The following NXPH2 variants were observed in gnomAD, a reference collection of about 807,000 sequenced individuals.
The protein encoded by NXPH2 is neurexophilin-2.
In NXPH2, 5 loss-of-function variants were observed where a neutral mutation model predicts 19.8. The observed-to-expected ratio is 0.25, with a 90% CI of 0.13 to 0.53. The LOEUF (loss-of-function observed/expected upper bound fraction) is 0.53, where lower values mean the gene tolerates loss of function less well. Ranked by LOEUF, NXPH2 falls within the 20% of genes least tolerant of loss-of-function variation. The pLI, the probability that NXPH2 is intolerant of heterozygous loss-of-function variation, is 0.96. For synonymous variants in NXPH2, 154 were observed against 127.4 expected, an observed-to-expected ratio of 1.21 and a Z score of -1.41; for missense variants, 289 against 322.8, an observed-to-expected ratio of 0.90 and a Z score of 0.80.
rs1474214938 is a variant in NXPH2, at chr2:138,687,275, G to T, written c.52-15610C>A. On this transcript the variant is annotated intron_variant, in intron 1 of 1. Coordinates refer to ENST00000272641, the MANE Select transcript of NXPH2 (RefSeq NM_007226.3). ...TGGTGTGAGATGGTATCTCATTGTG[G>T]TTTTGATTTGCATTTCTCTGATGGC... Among the ~76,000 whole-genome samples the T allele has an allele frequency of 2.6e-5, 4 of 152,258 alleles. No homozygotes were observed. The South Asian group carries it at 8.3e-4, about 32-fold the overall frequency.
chr2:138,698,934 C>T (rs561411597), intron 1 of NXPH2, among the ~76,000 whole-genome samples: 2 of 152,234 alleles, frequency 1.3e-5, no homozygotes, highest in South Asian at 2.1e-4. Flanking sequence ...AATTTTGGGA[C>T]TCAAAGTACT....
chr2:138,734,185 C>T (rs1047113567), intron 1 of NXPH2, among the ~76,000 whole-genome samples: 2 of 152,138 alleles, frequency 1.3e-5, no homozygotes, highest in African/African-American at 4.8e-5. Context: ...GAGGAGGTTG[C>T]AGTGAGTCAA....
intron 1 of NXPH2, among the ~76,000 whole-genome samples, chr2:138,703,815 A>G (rs1324397524): frequency 6.6e-6 from 1 of 152,242 alleles, no homozygotes; most frequent in East Asian, 1.9e-4. Flanking sequence ...ACTGAGAAAC[A>G]TGCACTTACT....
At chr2:138,753,590 G>T (rs1401083811) in intron 1 of NXPH2, among the ~76,000 whole-genome samples, 8 of 152,104 alleles carry the variant, frequency 5.3e-5, no homozygotes, top group African/African-American at 1.9e-4. Context: ...ATGCTAACTT[G>T]TAAATATATA....
chr2:138,737,645 C>G (rs1681571825), intron 1 of NXPH2, among the ~76,000 whole-genome samples: 1 of 152,202 alleles, frequency 6.6e-6, no homozygotes, highest in South Asian at 2.1e-4. Flanking sequence ...GTCTCAGCCT[C>G]TCTGGGTCAT....
rs111295867 is a variant in NXPH2 at position 138,764,279 on chromosome 2, T to C, written c.51+15912A>G. Reference sequence around the variant, plus strand: ...ATCATGAACTCACAAAGCCAAAGGATACTTAAGAGAAAATCTGATCCAGGG... The same window carrying C: ...ATCATGAACTCACAAAGCCAAAGGACACTTAAGAGAAAATCTGATCCAGGG... On this transcript the variant is annotated intron_variant, in intron 1 of 1. Coordinates refer to ENST00000272641, the MANE Select transcript of NXPH2 (RefSeq NM_007226.3). 1.1e-3 allele frequency among the ~76,000 whole-genome samples: 170 copies of C among 152,300 alleles called. 2 individuals are homozygous for C. Among genetic ancestry groups the C allele is most frequent in the African/African-American group, 4.0e-3 (165 of 41,566 alleles).
At chr2:138,754,892 T>C (rs1681883530) in intron 1 of NXPH2, among the ~76,000 whole-genome samples, 1 of 152,126 alleles carries the variant, frequency 6.6e-6, no homozygotes, top group Non-Finnish European at 1.5e-5. Flanking sequence ...TGTTAGATTT[T>C]GGTGGATTTT....
chr2:138,684,839 C>T (rs1357549435), intron 1 of NXPH2, among the ~76,000 whole-genome samples: 1 of 152,188 alleles, frequency 6.6e-6, no homozygotes, highest in Non-Finnish European at 1.5e-5. Flanking sequence ...CATTTCTTCC[C>T]TTCTCTGTCC....
chr2:138,758,446 C>T (rs1297452817), intron 1 of NXPH2, among the ~76,000 whole-genome samples: 1 of 152,116 alleles, frequency 6.6e-6, no homozygotes, highest in Non-Finnish European at 1.5e-5. Context: ...GCTTTCATGA[C>T]ATTTTGACTT....
At chr2:138,750,358 T>C (rs771699748) in intron 1 of NXPH2, among the ~76,000 whole-genome samples, 13 of 152,156 alleles carry the variant, frequency 8.5e-5, no homozygotes, top group Non-Finnish European at 1.6e-4. Flanking sequence ...CATTAATACA[T>C]AGTCCAAATA....
In NXPH2 at chr2:138,733,881, C is replaced by T. The variant is rs148571341; in HGVS notation, c.51+46310G>A. Among the ~76,000 whole-genome samples the T allele has an allele frequency of 2.1e-3, 325 of 152,228 alleles. 1 individual carries two copies. Among genetic ancestry groups the T allele is most frequent in the African/African-American group, 7.4e-3 (308 of 41,516 alleles). ...GGGATAGTGGAAAGATTTGCAACTA[C>T]ATCAGGAAAAGAAAAGACGTAGGGG... On this transcript the variant is annotated intron_variant, in intron 1 of 1. Transcript: ENST00000272641.
chr2:138,737,650 G>C (rs1387328342), intron 1 of NXPH2, among the ~76,000 whole-genome samples: 1 of 152,058 alleles, frequency 6.6e-6, no homozygotes, highest in African/African-American at 2.4e-5. Context: ...AGCCTCTCTG[G>C]GTCATTCTCT....
At chr2:138,677,582 G>A (rs188181373) in intron 1 of NXPH2, among the ~76,000 whole-genome samples, 1 of 152,196 alleles carries the variant, frequency 6.6e-6, no homozygotes, top group Admixed American at 6.5e-5. Flanking sequence ...TTTTTAGGGG[G>A]GAAAAGCTGA....
At position 138,699,577 on chromosome 2, in the gene NXPH2, G is replaced by T. The variant is rs185804953; in HGVS notation, c.52-27912C>A. Among the ~76,000 whole-genome samples, 540 of 152,168 alleles carry T rather than the reference G, an allele frequency of 3.5e-3. 10 individuals are homozygous for T. In the South Asian group the frequency reaches 0.054, roughly 15 times the overall value. ...TGGCCTAGGGGCAGCGGTGAGACTCGATGAGTAGGGTTAAAGAAGCAAGTA... is the reference window on the plus strand; with the variant it reads ...TGGCCTAGGGGCAGCGGTGAGACTCTATGAGTAGGGTTAAAGAAGCAAGTA... On this transcript the variant is annotated intron_variant, in intron 1 of 1. Coordinates refer to ENST00000272641, the MANE Select transcript of NXPH2 (RefSeq NM_007226.3).
At chr2:138,768,421 G>A (rs1682125703) in intron 1 of NXPH2, among the ~76,000 whole-genome samples, 1 of 152,160 alleles carries the variant, frequency 6.6e-6, no homozygotes. Context: ...GGATTCCCTA[G>A]GATATGCAGA....
chr2:138,677,143 T>A (rs1414178497), intron 1 of NXPH2, among the ~76,000 whole-genome samples: 2 of 152,216 alleles, frequency 1.3e-5, no homozygotes, highest in African/African-American at 4.8e-5. Context: ...TGTTAAATGT[T>A]ATTTACAAAA....
At chr2:138,671,768 A>C in intron 1 of NXPH2, 103 bp from the exon 2 acceptor site, 1 of 1,222,720 alleles carries the variant, frequency 8.2e-7, no homozygotes, top group Non-Finnish European at 1.1e-6. Flanking sequence ...CATTGTTTAG[A>C]TTCTTGTTCG....
At chr2:138,686,780 C>T (rs1680662455) in intron 1 of NXPH2, among the ~76,000 whole-genome samples, 1 of 152,102 alleles carries the variant, frequency 6.6e-6, no homozygotes, top group Non-Finnish European at 1.5e-5. Context: ...CAATTCCCAC[C>T]TATGAGTGAG....
chr2:138,756,688 T>A (rs1034248481), intron 1 of NXPH2, among the ~76,000 whole-genome samples: 6 of 152,138 alleles, frequency 3.9e-5, no homozygotes, highest in African/African-American at 1.4e-4. Flanking sequence ...AGAACACTGA[T>A]ATAATAATAG....
Sources: allele counts gnomAD v4.1 joint callset (sites outside exome capture counted in the v4.1 genomes callset), GRCh38; gene constraint gnomAD v4.1.1; transcripts MANE v1.5; gene names NCBI Gene and HGNC (gene_info 2026-07-23, HGNC 2026-07-21).